The following GALNTL6 variants were observed in gnomAD, a reference collection of about 807,000 sequenced individuals.
GALNTL6 encodes polypeptide N-acetylgalactosaminyltransferase-like 6.
In GALNTL6, 46 loss-of-function variants were observed where a neutral mutation model predicts 73.7. That is an observed-to-expected ratio of 0.62 (90% CI 0.49 to 0.80). GALNTL6 has a LOEUF of 0.80. Ranked by LOEUF, GALNTL6 falls within the 30% of genes least tolerant of loss-of-function variation. The pLI is 0.00. For synonymous variants in GALNTL6, 259 were observed against 263.7 expected (o/e 0.98, Z 0.17); for missense variants, 604 against 755.0 (o/e 0.80, Z 2.34).
At chr4:171,957,525 T>C (rs1219517538) in intron 2 of GALNTL6, among the ~76,000 whole-genome samples, 2 of 152,224 alleles carry the variant, frequency 1.3e-5, no homozygotes, top group Non-Finnish European at 2.9e-5. Flanking sequence ...GGAGATGGTG[T>C]CACCTTCATT....
At chr4:172,327,286 T>C (rs1740975184) in intron 4 of GALNTL6, among the ~76,000 whole-genome samples, 1 of 152,172 alleles carries the variant, frequency 6.6e-6, no homozygotes, top group East Asian at 1.9e-4. Context: ...TTCAGTTCTT[T>C]TATATTTGCT....
chr4:172,854,768 T>G (rs1744035561), intron 7 of GALNTL6, among the ~76,000 whole-genome samples: 1 of 152,220 alleles, frequency 6.6e-6, no homozygotes, highest in African/African-American at 2.4e-5. Context: ...TTTCACTTTC[T>G]GTTGGTGTTG....
intron 3 of GALNTL6, among the ~76,000 whole-genome samples, chr4:172,276,626 A>G (rs929000156): frequency 1.3e-5 from 2 of 152,076 alleles, no homozygotes; most frequent in African/African-American, 4.8e-5. Flanking sequence ...TACCACTGTA[A>G]TTGTTGCTGC....
chr4:171,909,267 A>T (rs1221915723), intron 2 of GALNTL6, among the ~76,000 whole-genome samples: 3 of 152,104 alleles, frequency 2.0e-5, no homozygotes, highest in African/African-American at 4.8e-5. Flanking sequence ...GATGATGATC[A>T]TATTTTTAAG....
chr4:172,100,281 G>A (rs1183488766), intron 2 of GALNTL6, among the ~76,000 whole-genome samples: 1 of 151,932 alleles, frequency 6.6e-6, no homozygotes, highest in African/African-American at 2.4e-5. Flanking sequence ...CACATAGCTG[G>A]CCCTTAATGA....
At chr4:171,947,801 A>G (rs757910978) in intron 2 of GALNTL6, among the ~76,000 whole-genome samples, 3 of 152,174 alleles carry the variant, frequency 2.0e-5, no homozygotes, top group Admixed American at 6.5e-5. Context: ...TATGTACTGG[A>G]GTTTGAGTGA....
intron 2 of GALNTL6, among the ~76,000 whole-genome samples, chr4:171,859,465 T>C (rs1198839470): frequency 6.6e-6 from 1 of 152,064 alleles, no homozygotes; most frequent in African/African-American, 2.4e-5. Context: ...GAGCATGGTG[T>C]GTGTGGACTC....
At chr4:172,117,299 C>G (rs970867126) in intron 2 of GALNTL6, among the ~76,000 whole-genome samples, 6 of 152,096 alleles carry the variant, frequency 3.9e-5, no homozygotes, top group Non-Finnish European at 7.4e-5. Context: ...CACATATTGT[C>G]TAAAATGTTA....
intron 5 of GALNTL6, among the ~76,000 whole-genome samples, chr4:172,430,554 A>G (rs918585067): frequency 3.3e-5 from 5 of 152,168 alleles, no homozygotes; most frequent in Non-Finnish European, 7.3e-5. Flanking sequence ...AGCATACATT[A>G]TTATCTTTAA....
chr4:171,914,493 T>C (rs1426848573), intron 2 of GALNTL6, among the ~76,000 whole-genome samples: 2 of 146,268 alleles, frequency 1.4e-5, no homozygotes, highest in Non-Finnish European at 3.0e-5. Context: ...TGCAGTGGTG[T>C]GATCTCGGCT....
At chr4:172,060,840 T>C (rs1731177426) in intron 2 of GALNTL6, among the ~76,000 whole-genome samples, 1 of 152,302 alleles carries the variant, frequency 6.6e-6, no homozygotes, top group East Asian at 1.9e-4. Flanking sequence ...TGGAACTGAC[T>C]TATTTTGCAA....
At chr4:172,485,868 C>T (rs1314360516) in intron 5 of GALNTL6, among the ~76,000 whole-genome samples, 1 of 152,044 alleles carries the variant, frequency 6.6e-6, no homozygotes, top group African/African-American at 2.4e-5. Flanking sequence ...GGTTTGTAAA[C>T]AGTAAAGGGA....
At chr4:171,920,310 A>G (rs1737749594) in intron 2 of GALNTL6, among the ~76,000 whole-genome samples, 1 of 152,076 alleles carries the variant, frequency 6.6e-6, no homozygotes, top group East Asian at 1.9e-4. Flanking sequence ...AAGCACACCA[A>G]CGTGGCACAT....
chr4:172,374,668 A>T (rs1303610405), intron 5 of GALNTL6, among the ~76,000 whole-genome samples: 1 of 152,104 alleles, frequency 6.6e-6, no homozygotes, highest in Non-Finnish European at 1.5e-5. Flanking sequence ...CTTAGTGGGG[A>T]TCCATACTGG....
At chr4:172,026,284 C>A (rs1369790112) in intron 2 of GALNTL6, among the ~76,000 whole-genome samples, 1 of 151,906 alleles carries the variant, frequency 6.6e-6, no homozygotes, top group African/African-American at 2.4e-5. Context: ...AACAAATAGC[C>A]AATAAAATTT....
intron 2 of GALNTL6, among the ~76,000 whole-genome samples, chr4:171,906,610 T>C (rs1443177718): frequency 6.6e-6 from 1 of 152,102 alleles, no homozygotes; most frequent in Non-Finnish European, 1.5e-5. Context: ...TTCCAATCAA[T>C]AGAAAAAGAG....
chr4:172,270,587 C>T (rs1003185430), intron 3 of GALNTL6, among the ~76,000 whole-genome samples: 1 of 152,096 alleles, frequency 6.6e-6, no homozygotes, highest in Non-Finnish European at 1.5e-5. Flanking sequence ...CCTGACAGAA[C>T]CTGGGACAAG....
At chr4:172,884,580 C>G (rs1745624568) in intron 8 of GALNTL6, among the ~76,000 whole-genome samples, 1 of 152,154 alleles carries the variant, frequency 6.6e-6, no homozygotes, top group African/African-American at 2.4e-5. Flanking sequence ...GTTGTCTCTT[C>G]ACTTTGTTGA....
At chr4:172,192,018 A>G (rs977665853) in intron 2 of GALNTL6, among the ~76,000 whole-genome samples, 2 of 151,994 alleles carry the variant, frequency 1.3e-5, no homozygotes, top group African/African-American at 2.4e-5. Context: ...TATAATTTTA[A>G]ATGTTTGTTT....
Sources: gnomAD v4.1 joint callset for allele counts (sites outside exome capture counted in the v4.1 genomes callset) on GRCh38, gnomAD v4.1.1 for gene constraint, MANE v1.5 for transcripts, NCBI Gene and HGNC (gene_info 2026-07-23, HGNC 2026-07-21) for gene names.